The following CDADC1 variants were observed in gnomAD, a reference collection of about 807,000 sequenced individuals.
CDADC1 encodes the protein cytidine and dCMP deaminase domain containing 1, also known as dCTP deaminase.
Under a neutral mutation model 54.9 loss-of-function variants are expected in CDADC1, and 39 were observed. That is an observed-to-expected ratio of 0.71 (90% CI 0.55 to 0.93). The LOEUF (loss-of-function observed/expected upper bound fraction) is 0.93, where lower values mean the gene tolerates loss of function less well. Ranked by LOEUF, CDADC1 falls within the 40% of genes least tolerant of loss-of-function variation. The pLI, the probability that CDADC1 is intolerant of heterozygous loss-of-function variation, is 0.00. For missense variants in CDADC1, 518 were observed against 618.8 expected, an observed-to-expected ratio of 0.84 and a Z score of 1.73; for synonymous variants, 186 against 204.0, an observed-to-expected ratio of 0.91 and a Z score of 0.75.
In CDADC1 at chr13:49,280,504, TG is replaced by T; in HGVS notation, c.1221-4del. 7.3e-7 allele frequency: 1 copy of T among 1,378,320 alleles called. No individual in the cohort carries two copies. Among genetic ancestry groups the T allele is most frequent in the Non-Finnish European group, 9.6e-7 (1 of 1,046,436 alleles). 85.4% of individuals were successfully genotyped at this position (1,378,320 alleles called of 1,614,324 possible). ...CTTTCTGATATTTTATAATTTTTTT[TG>T]TAGGTGTCAAGAAATAAAACCAGAA... is the stretch of plus-strand genomic sequence containing the variant. On this transcript the variant is annotated splice_polypyrimidine_tract_variant and splice_region_variant and intron_variant, in intron 7 of 9. Coordinates refer to ENST00000251108, the MANE Select transcript of CDADC1 (RefSeq NM_030911.4).
chr13:49,257,926 A>G (rs1952585935), intron 3 of CDADC1, among the ~76,000 whole-genome samples: 1 of 152,244 alleles, frequency 6.6e-6, no homozygotes, highest in African/African-American at 2.4e-5. Context: ...GGGAGGGGAA[A>G]GTGTTCACAA....
chr13:49,259,809 T>C (rs757561960), intron 4 of CDADC1, among the ~76,000 whole-genome samples: 100 of 151,880 alleles, frequency 6.6e-4, no homozygotes, highest in Non-Finnish European at 1.3e-3. Flanking sequence ...ATTGCGCCAC[T>C]GCACTCTAAG....
intron 2 of CDADC1, among the ~76,000 whole-genome samples, chr13:49,250,853 A>T (rs1952412998): frequency 6.6e-6 from 1 of 152,216 alleles, no homozygotes; most frequent in African/African-American, 2.4e-5. Flanking sequence ...AATATTATAC[A>T]TCGTTATTCC....
rs192127549 is a variant in CDADC1, at chr13:49,249,204, C to T, written c.177+239C>T. On this transcript the variant is annotated intron_variant, in intron 2 of 9. Transcript: ENST00000251108. The stretch of plus-strand genomic sequence containing the variant: ...TACTAATGGTATTCATATGTCAGTT[C>T]GGCTAATAAGATTATTGTCTATACC... Among the ~76,000 whole-genome samples the T allele has an allele frequency of 1.7e-3, 263 of 152,234 alleles. 1 individual carries two copies. Among genetic ancestry groups the T allele is most frequent in the Admixed American group, 0.016 (241 of 15,288 alleles).
chr13:49,272,657 C>CTTT (rs1191602451), intron 5 of CDADC1, among the ~76,000 whole-genome samples: 14 of 133,016 alleles, frequency 1.1e-4, no homozygotes, highest in African/African-American at 2.8e-4. Flanking sequence ...ATTTCTTTTT[C>CTTT]TTTTTTTTTT....
intron 9 of CDADC1, among the ~76,000 whole-genome samples, chr13:49,287,540 G>A (rs1953559785): frequency 1.3e-5 from 2 of 151,856 alleles, no homozygotes; most frequent in Admixed American, 1.3e-4. Context: ...CTATACATCT[G>A]ATTAAATAAT....
intron 4 of CDADC1, chr13:49,265,819 A>T: frequency 2.4e-6 from 3 of 1,271,984 alleles, no homozygotes; most frequent in Non-Finnish European, 3.1e-6. Flanking sequence ...ACTCTGCTTT[A>T]GCATTTGCCA....
At chr13:49,275,072 T>C (rs1016451634) in intron 6 of CDADC1, among the ~76,000 whole-genome samples, 2 of 150,466 alleles carry the variant, frequency 1.3e-5, no homozygotes, top group African/African-American at 4.9e-5. Flanking sequence ...AACATGAATA[T>C]TCTTGGTGAA....
At chr13:49,274,408 G>A (rs1953046636) in intron 6 of CDADC1, 68 bp downstream of exon 6, 1 of 1,272,990 alleles carries the variant, frequency 7.9e-7, no homozygotes. Flanking sequence ...AGTCTTCGGT[G>A]CATTACAGGT....
chr13:49,255,871 A>G lies in CDADC1; in HGVS notation c.210A>G (p.Gly70=), dbSNP rs1319854976. 1 of 1,611,898 alleles carries G rather than the reference A, an allele frequency of 6.2e-7. No homozygotes were observed. The highest frequency in any genetic ancestry group is 8.5e-7 in the Non-Finnish European group (1 of 1,179,306). ...KNEEGKHGPL[G]DNEERTRVST... is the part of the protein sequence containing the mutation. Reference sequence around the variant, plus strand: ...AAGAGGGAAAGCATGGACCCTTAGGAGATAATGAAGAGAGGACCAGAGTAT... The same window carrying G: ...AAGAGGGAAAGCATGGACCCTTAGGGGATAATGAAGAGAGGACCAGAGTAT... The change falls in exon 3 of 10, where the codon GGA becomes GGG. Residue 70 remains glycine (G), a synonymous_variant. Transcript: ENST00000251108.
Position 49,248,099 on chromosome 13 carries a change from C to T in CDADC1, c.62C>T (p.Thr21Ile). The change falls in exon 1 of 10, where the codon ACC (threonine) becomes ATC (isoleucine). Residue 21 changes from threonine to isoleucine, a missense_variant. By Grantham distance (89) the Thr-to-Ile change is moderately conservative. Transcript: ENST00000251108. ...ESARAGRSVS[T>I]QTGSMTGQIP... ...GCGAGGGCCGGGCGGTCAGTCAGCACCCAGACTGGCAGCATGACCGGTGAG... is the reference window on the plus strand; with the variant it reads ...GCGAGGGCCGGGCGGTCAGTCAGCATCCAGACTGGCAGCATGACCGGTGAG... The T allele has an allele frequency of 6.4e-7, 1 of 1,552,574 alleles. No homozygotes were observed. Among genetic ancestry groups the T allele is most frequent in the East Asian group, 2.4e-5 (1 of 40,986 alleles).
At position 49,248,019 on chromosome 13, in the gene CDADC1, A is replaced by G. The variant is rs750096174; in HGVS notation, c.-19A>G. The stretch of plus-strand genomic sequence containing the variant: ...GACTGGGAGAGGTTTCCTTGGCAGC[A>G]GAGGACGCTAGGTTTGGGATGAAAG... On this transcript the variant is annotated 5_prime_UTR_variant, in exon 1 of 10. Transcript: ENST00000251108. 9.7e-6 allele frequency: 15 copies of G among 1,551,046 alleles called. 1 individual carries two copies. In the South Asian group the frequency reaches 1.2e-4, roughly 12 times the overall value.
Position 49,292,257 on chromosome 13 carries a change from T to G in CDADC1, c.*500T>G, listed in dbSNP as rs1953728629. 3 of 978,044 alleles carry G rather than the reference T, an allele frequency of 3.1e-6. No individual in the cohort carries two copies. The highest frequency in any genetic ancestry group is 3.7e-6 in the Non-Finnish European group (3 of 821,466). 60.6% of individuals were successfully genotyped at this position (978,044 alleles called of 1,614,324 possible). On this transcript the variant is annotated 3_prime_UTR_variant, in exon 10 of 10. Transcript: ENST00000251108. ...ACCCAAAGCTTTCTAGTAATCAGAA[T>G]TTACTTAATTAGAATTGACTCATAA...
chr13:49,278,993 C>T (rs953931710), intron 7 of CDADC1, among the ~76,000 whole-genome samples: 2 of 152,148 alleles, frequency 1.3e-5, no homozygotes, highest in African/African-American at 4.8e-5. Flanking sequence ...TCACACGTTA[C>T]CTTTTTTATG....
At chr13:49,270,927 A>G (rs1952949815) in intron 5 of CDADC1, among the ~76,000 whole-genome samples, 1 of 152,218 alleles carries the variant, frequency 6.6e-6, no homozygotes, top group African/African-American at 2.4e-5. Flanking sequence ...TTAATTTCAC[A>G]TTATTCAGTT....
chr13:49,288,184 A>C (rs1383306450), intron 9 of CDADC1, among the ~76,000 whole-genome samples: 2 of 152,180 alleles, frequency 1.3e-5, no homozygotes, highest in East Asian at 1.9e-4. Context: ...GCAATGTTTT[A>C]TTTATTGACC....
intron 5 of CDADC1, 51 bp downstream of exon 5, chr13:49,268,110 C>T (rs973290375): frequency 7.3e-7 from 1 of 1,375,342 alleles, no homozygotes; most frequent in African/African-American, 1.4e-5. Context: ...TTGTATTTGT[C>T]TCTGAAGTGT....
chr13:49,282,236 G>GTTTTTTTTTTTTTTTTTTTTTTTGTTTTT (rs759792512), intron 8 of CDADC1, among the ~76,000 whole-genome samples: 1 of 94,146 alleles, frequency 1.1e-5, no homozygotes, highest in Non-Finnish European at 2.1e-5. Flanking sequence ...GTTTTTGTGG[G>GTTTTTTTTTTTTTTTTTTTTTTTGTTTTT]TTTTTTTTTT....
chr13:49,267,040 C>G (rs954690392), intron 4 of CDADC1, among the ~76,000 whole-genome samples: 10 of 152,092 alleles, frequency 6.6e-5, no homozygotes, highest in Admixed American at 6.6e-4. Context: ...GGCTGGGTAA[C>G]TTTTTCTTGA....
Sources: gnomAD v4.1 joint callset for allele counts (sites outside exome capture counted in the v4.1 genomes callset) on GRCh38, gnomAD v4.1.1 for gene constraint, MANE v1.5 for transcripts, NCBI Gene and HGNC (gene_info 2026-07-23, HGNC 2026-07-21) for gene names.